The following ARID4B variants were observed in gnomAD, a reference collection of about 807,000 sequenced individuals.
ARID4B encodes AT-rich interaction domain 4B.
ARID4B carries 26 observed loss-of-function variants against 147.5 expected under a neutral mutation model. The ratio of observed to expected loss-of-function variants is 0.18; its 90% CI spans 0.13 to 0.24. The LOEUF (loss-of-function observed/expected upper bound fraction) is 0.24. Among genes scored for constraint, ARID4B ranks in the 10% least tolerant of loss-of-function variants. ARID4B has a pLI of 1.00. For synonymous variants in ARID4B, 512 were observed against 507.9 expected, an observed-to-expected ratio of 1.01 and a Z score of -0.11; for missense variants, 1,179 against 1,511.5, an observed-to-expected ratio of 0.78 and a Z score of 3.65.
intron 2 of ARID4B, among the ~76,000 whole-genome samples, chr1:235,320,127 A>G (rs1034901643): frequency 2.6e-5 from 4 of 151,126 alleles, no homozygotes; most frequent in African/African-American, 9.7e-5. Context: ...CTCCGTCTAA[A>G]AAAAAAAAAA....
At chr1:235,302,671 C>T (rs915486638) in intron 2 of ARID4B, among the ~76,000 whole-genome samples, 1 of 152,138 alleles carries the variant, frequency 6.6e-6, no homozygotes, top group African/African-American at 2.4e-5. Flanking sequence ...ACTTGAACAC[C>T]TGCCCACTGC....
chr1:235,200,301 A>G (rs1665811269), intron 17 of ARID4B, among the ~76,000 whole-genome samples: 1 of 152,184 alleles, frequency 6.6e-6, no homozygotes, highest in Non-Finnish European at 1.5e-5. Flanking sequence ...TCTACTGAAA[A>G]TACAAAAATC....
At chr1:235,281,251 G>C (rs1371584490) in intron 2 of ARID4B, among the ~76,000 whole-genome samples, 1 of 151,824 alleles carries the variant, frequency 6.6e-6, no homozygotes, top group Non-Finnish European at 1.5e-5. Context: ...AACTGCCTCT[G>C]TTAAAAACAA....
chr1:235,179,525 C>CCA (rs1664132857), intron 20 of ARID4B, among the ~76,000 whole-genome samples: 1 of 48,360 alleles, frequency 2.1e-5, no homozygotes, highest in Non-Finnish European at 4.5e-5. Context: ...CTCTATGTCT[C>CCA]AAAAAAAAAA....
At chr1:235,194,803 G>C (rs1056679990) in intron 18 of ARID4B, among the ~76,000 whole-genome samples, 8 of 152,070 alleles carry the variant, frequency 5.3e-5, no homozygotes, top group Admixed American at 3.3e-4. Context: ...TGGGCAACAA[G>C]AGTGAAACTC....
In ARID4B at chr1:235,177,918, G is replaced by A; in HGVS notation, c.3335-5C>T. ...CTCTTTTCTGACCTGTACAGGCTATGAAGGGAAAGGAATTAAGTAACACAA... is the reference window on the plus strand; with the variant it reads ...CTCTTTTCTGACCTGTACAGGCTATAAAGGGAAAGGAATTAAGTAACACAA... On this transcript the variant is annotated splice_region_variant and splice_polypyrimidine_tract_variant and intron_variant, in intron 20 of 23. Transcript: ENST00000264183. 6.6e-7 allele frequency: 1 copy of A among 1,510,484 alleles called. No individual in the cohort carries two copies. The allele number at this position is 1,510,484 out of a possible 1,614,324, so 93.6% of individuals were successfully genotyped here.
At chr1:235,271,081 A>G (rs935862470) in intron 2 of ARID4B, among the ~76,000 whole-genome samples, 1 of 152,082 alleles carries the variant, frequency 6.6e-6, no homozygotes, top group Non-Finnish European at 1.5e-5. Context: ...TAAAATCCCT[A>G]CTGGGCCAGT....
chr1:235,186,283 A>G (rs1664677224), intron 19 of ARID4B, among the ~76,000 whole-genome samples: 6 of 151,958 alleles, frequency 3.9e-5, no homozygotes. Flanking sequence ...CTCTGTTTTC[A>G]TAGTTCCCCC....
At chr1:235,178,615 C>T (rs970072878) in intron 20 of ARID4B, among the ~76,000 whole-genome samples, 4 of 152,176 alleles carry the variant, frequency 2.6e-5, no homozygotes, top group Non-Finnish European at 2.9e-5. Flanking sequence ...TCAATCACTA[C>T]TCTGAACTGT....
chr1:235,313,337 A>AT (rs34571520), intron 2 of ARID4B, among the ~76,000 whole-genome samples: 57 of 149,986 alleles, frequency 3.8e-4, no homozygotes, highest in African/African-American at 6.4e-4. Context: ...CCTAAGTTGA[A>AT]TTTTTTTTTT....
intron 19 of ARID4B, among the ~76,000 whole-genome samples, chr1:235,185,279 G>C (rs1192226641): frequency 6.6e-6 from 1 of 152,164 alleles, no homozygotes; most frequent in African/African-American, 2.4e-5. Flanking sequence ...GAAATAAGTA[G>C]TACATTTGAT....
chr1:235,229,069 C>T (rs1572030520), intron 11 of ARID4B, 162 bp downstream of exon 11: 3 of 810,452 alleles, frequency 3.7e-6, no homozygotes, highest in Non-Finnish European at 5.5e-6. Context: ...CTAAAGTAAC[C>T]AAGTAAACTA....
intron 5 of ARID4B, among the ~76,000 whole-genome samples, chr1:235,255,220 T>TATATATATATATAGAGAG (rs1264196304): frequency 0.017 from 1,067 of 62,366 alleles, 9 homozygotes; most frequent in Middle Eastern, 0.057. Flanking sequence ...TGCTGGGAGC[T>TATATATATATATAGAGAG]AGATAGATAG....
At chr1:235,299,112 G>A (rs922023287) in intron 2 of ARID4B, among the ~76,000 whole-genome samples, 1 of 152,170 alleles carries the variant, frequency 6.6e-6, no homozygotes, top group African/African-American at 2.4e-5. Flanking sequence ...CTTACTGTAA[G>A]TCTCTCATTA....
At chr1:235,174,368 T>C (rs543800219) in intron 22 of ARID4B, among the ~76,000 whole-genome samples, 2 of 152,280 alleles carry the variant, frequency 1.3e-5, no homozygotes, top group East Asian at 3.9e-4. Context: ...AGTGTTGGCA[T>C]TTGCCTCAAC....
Position 235,181,696 on chromosome 1 carries a change from C to G in ARID4B, c.3223G>C (p.Ala1075Pro). 3 of 1,614,128 alleles carry G rather than the reference C, an allele frequency of 1.9e-6. No individual in the cohort carries two copies. The highest frequency in any genetic ancestry group is 2.2e-5 in the South Asian group (2 of 91,084). ...TDSTIEVDSV[A>P]GELQDLQSEG... ...GACTGGAGGTCTTGGAGCTCCCCAG[C>G]AACACTATCCACCTCAATTGTGCTA... The change falls in exon 20 of 24, where the codon GCT becomes CCT. Residue 1075 changes from alanine to proline, a missense_variant. Coordinates refer to ENST00000264183, the MANE Select transcript of ARID4B (RefSeq NM_016374.6).
At chr1:235,254,914 T>G (rs988555440) in intron 5 of ARID4B, among the ~76,000 whole-genome samples, 1 of 151,974 alleles carries the variant, frequency 6.6e-6, no homozygotes, top group African/African-American at 2.4e-5. Context: ...GCAAAAAATT[T>G]TTTTAAATGA....
chr1:235,222,874 G>C (rs1379711457), intron 13 of ARID4B, among the ~76,000 whole-genome samples: 1 of 151,762 alleles, frequency 6.6e-6, no homozygotes, highest in African/African-American at 2.4e-5. Flanking sequence ...GTAGAGATGG[G>C]GTTTTGCTAT....
intron 2 of ARID4B, among the ~76,000 whole-genome samples, chr1:235,322,145 C>T (rs1558314541): frequency 6.6e-6 from 1 of 152,102 alleles, no homozygotes; most frequent in Non-Finnish European, 1.5e-5. Context: ...TCTTCTGCCT[C>T]AGCCTCCCTA....
Sources: gnomAD v4.1 joint callset for allele counts (sites outside exome capture counted in the v4.1 genomes callset) on GRCh38, gnomAD v4.1.1 for gene constraint, MANE v1.5 for transcripts, NCBI Gene and HGNC (gene_info 2026-07-23, HGNC 2026-07-21) for gene names.